Variants in PLXNA4 observed in about 807,000 individuals in gnomAD.
PLXNA4 encodes plexin-A4.
In PLXNA4, 44 loss-of-function variants were observed where a neutral mutation model predicts 191.8. The ratio of observed to expected loss-of-function variants is 0.23; its 90% CI spans 0.18 to 0.29. The LOEUF (loss-of-function observed/expected upper bound fraction) is 0.29. PLXNA4 is among the 10% of genes least tolerant of loss of function. PLXNA4 has a pLI of 1.00. For synonymous variants in PLXNA4, 1,082 were observed against 1,009.5 expected (o/e 1.07, Z -1.36); for missense variants, 1,800 against 2,488.8 (o/e 0.72, Z 5.89).
At chr7:132,524,274 T>G (rs1345444349) in intron 1 of PLXNA4, among the ~76,000 whole-genome samples, 2 of 152,188 alleles carry the variant, frequency 1.3e-5, no homozygotes, top group Non-Finnish European at 2.9e-5. Context: ...GATGCTTATT[T>G]TTTTGTGAAG....
chr7:132,188,065 A>G (rs2116780219), intron 14 of PLXNA4, among the ~76,000 whole-genome samples: 1 of 151,920 alleles, frequency 6.6e-6, no homozygotes, highest in East Asian at 1.9e-4. Flanking sequence ...CCAGTTCTCA[A>G]CCCCTCTCTG....
At chr7:132,550,510 G>A (rs115198625) in intron 1 of PLXNA4, among the ~76,000 whole-genome samples, 206 of 152,336 alleles carry the variant, frequency 1.4e-3, no homozygotes, top group African/African-American at 4.9e-3. Context: ...TTCTTCAGCT[G>A]CAGGAGGCAA....
At chr7:132,528,227 A>G (rs763063420) in intron 1 of PLXNA4, among the ~76,000 whole-genome samples, 8 of 152,186 alleles carry the variant, frequency 5.3e-5, no homozygotes, top group Non-Finnish European at 1.0e-4. Context: ...TTGACTCACC[A>G]GGAAGGTGAA....
In PLXNA4 at chr7:132,533,925, C is replaced by CTATTATTATTAT. The variant is rs61158936; in HGVS notation, c.-86-25158_-86-25147dup. Among the ~76,000 whole-genome samples the CTATTATTATTAT allele has an allele frequency of 4.5e-3, 671 of 150,062 alleles. 3 individuals are homozygous for CTATTATTATTAT. The highest frequency in any genetic ancestry group is 0.028 in the Middle Eastern group (8 of 286). On this transcript the variant is annotated intron_variant, in intron 1 of 31. Coordinates refer to ENST00000321063, the MANE Select transcript of PLXNA4 (RefSeq NM_020911.2). ...TCTAAAGGACAGAATAAGGATATTA[C>CTATTATTATTAT]TATTATTATTATTATTATTATTACT...
chr7:132,330,291 G>A (rs1802540525), intron 3 of PLXNA4, among the ~76,000 whole-genome samples: 1 of 152,162 alleles, frequency 6.6e-6, no homozygotes, highest in Non-Finnish European at 1.5e-5. Context: ...CGCAGTGCTG[G>A]CCACCTTACA....
intron 3 of PLXNA4, among the ~76,000 whole-genome samples, chr7:132,361,512 T>C (rs1300161961): frequency 6.6e-6 from 1 of 152,172 alleles, no homozygotes; most frequent in African/African-American, 2.4e-5. Flanking sequence ...AACCAGTTAT[T>C]AGCTTAGAAA....
chr7:132,349,684 G>T (rs1003605691), intron 3 of PLXNA4, among the ~76,000 whole-genome samples: 1 of 152,090 alleles, frequency 6.6e-6, no homozygotes, highest in Non-Finnish European at 1.5e-5. Flanking sequence ...TGTCCTTCGT[G>T]GAGATCAGGA....
chr7:132,349,783 A>T (rs1320857212), intron 3 of PLXNA4, among the ~76,000 whole-genome samples: 1 of 152,084 alleles, frequency 6.6e-6, no homozygotes, highest in Non-Finnish European at 1.5e-5. Flanking sequence ...CTTCTTATTA[A>T]TAAAAAAAAA....
At chr7:132,565,823 A>G (rs897226321) in intron 1 of PLXNA4, among the ~76,000 whole-genome samples, 1 of 152,184 alleles carries the variant, frequency 6.6e-6, no homozygotes, top group Admixed American at 6.5e-5. Flanking sequence ...ATTTCCCAGC[A>G]TGGCTGGGAA....
rs1224332136 is a variant in PLXNA4, at chr7:132,185,409, C to G, written c.3048G>C (p.Glu1016Asp). 6.2e-7 allele frequency: 1 copy of G among 1,614,112 alleles called. No homozygotes were observed. The highest frequency in any genetic ancestry group is 1.1e-5 in the South Asian group (1 of 91,074). Reference protein sequence around the residue: ...CNTTSSDEVLEMKVSVQVDRA... With the variant: ...CNTTSSDEVLDMKVSVQVDRA... ...TGTCCACCTGCACCGACACCTTCAT[C>G]TCTAGCACCTCATCTGAGGATGTGG... The change falls in exon 16 of 32, where the codon GAG becomes GAC. Residue 1016 changes from glutamate (E) to aspartate (D), a missense_variant. By Grantham distance (45) the Glu-to-Asp change is conservative. Transcript: ENST00000321063.
chr7:132,516,984 C>T (rs1279829349), intron 1 of PLXNA4, among the ~76,000 whole-genome samples: 1 of 152,112 alleles, frequency 6.6e-6, no homozygotes, highest in African/African-American at 2.4e-5. Flanking sequence ...AAACCAGTGT[C>T]CCTGCTCTCC....
intron 3 of PLXNA4, among the ~76,000 whole-genome samples, chr7:132,469,625 C>T (rs1038100948): frequency 1.3e-5 from 2 of 152,188 alleles, no homozygotes; most frequent in Non-Finnish European, 2.9e-5. Context: ...GAGAACATGT[C>T]CTTCCAGTGA....
intron 2 of PLXNA4, among the ~76,000 whole-genome samples, chr7:132,629,435 T>C (rs1283136538): frequency 6.6e-6 from 1 of 152,180 alleles, no homozygotes; most frequent in East Asian, 1.9e-4. Flanking sequence ...CACATTAATC[T>C]CCTCGGAAAC....
intron 30 of PLXNA4, 135 bp downstream of exon 30, chr7:132,140,464 G>A: frequency 7.7e-7 from 1 of 1,293,460 alleles, no homozygotes. Flanking sequence ...TGTGGGTGTT[G>A]CAGTGGCAGG....
At chr7:132,554,382 T>C (rs1393427787) in intron 1 of PLXNA4, among the ~76,000 whole-genome samples, 1 of 152,218 alleles carries the variant, frequency 6.6e-6, no homozygotes, top group Non-Finnish European at 1.5e-5. Flanking sequence ...CCGGACTCTC[T>C]GCTCACAGAT....
At chr7:132,339,820 A>C (rs1802955871) in intron 3 of PLXNA4, among the ~76,000 whole-genome samples, 1 of 152,108 alleles carries the variant, frequency 6.6e-6, no homozygotes, top group African/African-American at 2.4e-5. Flanking sequence ...TATTATGATT[A>C]GATTATAGAA....
intron 1 of PLXNA4, among the ~76,000 whole-genome samples, chr7:132,534,367 C>A (rs1799747335): frequency 6.6e-6 from 1 of 152,166 alleles, no homozygotes; most frequent in Non-Finnish European, 1.5e-5. Context: ...TGTGAGAGGG[C>A]CCATGAAACA....
At chr7:132,413,648 T>A (rs1361601058) in intron 3 of PLXNA4, among the ~76,000 whole-genome samples, 1 of 152,236 alleles carries the variant, frequency 6.6e-6, no homozygotes, top group Non-Finnish European at 1.5e-5. Context: ...TGCCTGAAAC[T>A]GCTGGTTTAT....
chr7:132,492,181 G>A (rs559320459), intron 2 of PLXNA4, among the ~76,000 whole-genome samples: 1 of 152,282 alleles, frequency 6.6e-6, no homozygotes, highest in South Asian at 2.1e-4. Flanking sequence ...CTGAGGCAGG[G>A]ACAAAGGGAG....
Sources: gnomAD v4.1 joint callset for allele counts (sites outside exome capture counted in the v4.1 genomes callset) on GRCh38, gnomAD v4.1.1 for gene constraint, MANE v1.5 for transcripts, NCBI Gene and HGNC (gene_info 2026-07-23, HGNC 2026-07-21) for gene names.